The following HS6ST3 variants were observed in gnomAD, a reference collection of about 807,000 sequenced individuals.
HS6ST3 encodes the protein heparan sulfate 6-O-sulfotransferase 3, also known as heparan-sulfate 6-O-sulfotransferase 3.
In HS6ST3, 12 loss-of-function variants were observed where a neutral mutation model predicts 36.7. The observed-to-expected ratio is 0.33, with a 90% CI of 0.21 to 0.53. HS6ST3 has a LOEUF of 0.53. Ranked by LOEUF, HS6ST3 falls within the 20% of genes least tolerant of loss-of-function variation. The pLI, the probability that HS6ST3 is intolerant of heterozygous loss-of-function variation, is 0.95. For missense variants in HS6ST3, 584 were observed against 640.9 expected (o/e 0.91, Z 0.96); for synonymous variants, 240 against 257.5 (o/e 0.93, Z 0.65).
At chr13:96,140,994 G>A (rs1401112974) in intron 1 of HS6ST3, among the ~76,000 whole-genome samples, 4 of 152,134 alleles carry the variant, frequency 2.6e-5, no homozygotes, top group African/African-American at 7.2e-5. Context: ...CAGATTTTCC[G>A]AAGAAAATCA....
chr13:96,376,761 A>G (rs77312971), intron 1 of HS6ST3, among the ~76,000 whole-genome samples: 13 of 152,182 alleles, frequency 8.5e-5, no homozygotes, highest in African/African-American at 2.9e-4. Context: ...TATAGTAAAC[A>G]TTCAGTAAAT....
chr13:96,716,854 C>A (rs1457349069), intron 1 of HS6ST3, among the ~76,000 whole-genome samples: 1 of 152,150 alleles, frequency 6.6e-6, no homozygotes, highest in Non-Finnish European at 1.5e-5. Flanking sequence ...ATAAAGATAG[C>A]AAATTCTCTT....
At chr13:96,468,215 G>A (rs903496759) in intron 1 of HS6ST3, among the ~76,000 whole-genome samples, 102 of 152,232 alleles carry the variant, frequency 6.7e-4, no homozygotes, top group African/African-American at 2.4e-3. Flanking sequence ...TTAAGTTTAA[G>A]AAAATGAGAA....
chr13:96,731,828 T>C (rs1001672800), intron 1 of HS6ST3, among the ~76,000 whole-genome samples: 8 of 151,928 alleles, frequency 5.3e-5, no homozygotes, highest in Admixed American at 5.2e-4. Context: ...GCTAAATGTT[T>C]TTATTTTTTT....
intron 1 of HS6ST3, among the ~76,000 whole-genome samples, chr13:96,281,337 T>C (rs553481964): frequency 6.6e-6 from 1 of 152,190 alleles, no homozygotes; most frequent in Admixed American, 6.5e-5. Flanking sequence ...AGTTGATTGC[T>C]TTGAGCTCTG....
intron 1 of HS6ST3, among the ~76,000 whole-genome samples, chr13:96,615,642 T>A (rs929640603): frequency 2.0e-5 from 3 of 152,210 alleles, no homozygotes; most frequent in Non-Finnish European, 2.9e-5. Context: ...TGAACCTTGA[T>A]GTGAACTCAA....
intron 1 of HS6ST3, among the ~76,000 whole-genome samples, chr13:96,814,256 A>G (rs1878376834): frequency 6.6e-6 from 1 of 152,112 alleles, no homozygotes; most frequent in Admixed American, 6.5e-5. Flanking sequence ...CTCTGATTGT[A>G]TTACTATTTT....
intron 1 of HS6ST3, among the ~76,000 whole-genome samples, chr13:96,585,668 C>A (rs933777942): frequency 1.3e-5 from 2 of 152,150 alleles, no homozygotes; most frequent in Non-Finnish European, 2.9e-5. Flanking sequence ...TCTGTGAGAT[C>A]AACATTTTTG....
intron 1 of HS6ST3, among the ~76,000 whole-genome samples, chr13:96,202,298 C>T (rs2054346519): frequency 6.6e-6 from 1 of 152,170 alleles, no homozygotes; most frequent in Admixed American, 6.5e-5. Context: ...TCAGGTACTC[C>T]TCACATCCAG....
intron 1 of HS6ST3, among the ~76,000 whole-genome samples, 194 bp from the exon 2 acceptor site, chr13:96,832,296 G>C (rs1878817779): frequency 6.6e-6 from 1 of 152,154 alleles, no homozygotes. Flanking sequence ...AACAAACTCA[G>C]TATTGAAAAT....
rs184618225 is a variant in HS6ST3 at position 96,591,748 on chromosome 13, A to C, written c.708-240742A>C. Among the ~76,000 whole-genome samples the C allele has an allele frequency of 1.5e-4, 23 of 152,182 alleles. No homozygotes were observed. The East Asian group carries it at 3.9e-3, about 26-fold the overall frequency. On this transcript the variant is annotated intron_variant, in intron 1 of 1. Coordinates refer to ENST00000376705, the MANE Select transcript of HS6ST3 (RefSeq NM_153456.4). ...CCAATACCATATGTAATAATGGTAG[A>C]AAAGGGGGCGTCCTTGTTGTGTTCC...
intron 1 of HS6ST3, among the ~76,000 whole-genome samples, chr13:96,800,323 GCCA>G (rs1200683578): frequency 1.3e-5 from 2 of 150,076 alleles, no homozygotes; most frequent in Non-Finnish European, 3.0e-5. Flanking sequence ...ACATTGTGCT[GCCA>G]CCAAGTATTT....
At chr13:96,613,662 A>T (rs1347253545) in intron 1 of HS6ST3, among the ~76,000 whole-genome samples, 1 of 152,196 alleles carries the variant, frequency 6.6e-6, no homozygotes, top group Non-Finnish European at 1.5e-5. Context: ...AAGTTTTTTT[A>T]AGTTCTCTGC....
intron 1 of HS6ST3, among the ~76,000 whole-genome samples, chr13:96,658,518 A>G (rs1307754318): frequency 1.3e-5 from 2 of 150,972 alleles, no homozygotes; most frequent in African/African-American, 4.9e-5. Flanking sequence ...CCTGATCTCA[A>G]ATGATCTGCC....
chr13:96,095,542 C>G (rs1001405123), intron 1 of HS6ST3, among the ~76,000 whole-genome samples: 4 of 152,196 alleles, frequency 2.6e-5, no homozygotes, highest in Non-Finnish European at 5.9e-5. Flanking sequence ...CCCAGTCACA[C>G]CACCGGAAGG....
chr13:96,187,430 AG>A (rs2054269771), intron 1 of HS6ST3, among the ~76,000 whole-genome samples: 1 of 152,134 alleles, frequency 6.6e-6, no homozygotes, highest in Non-Finnish European at 1.5e-5. Context: ...TTTACAGATG[AG>A]GATATTGAGA....
chr13:96,660,179 A>G (rs991792947), intron 1 of HS6ST3, among the ~76,000 whole-genome samples: 10 of 152,136 alleles, frequency 6.6e-5, no homozygotes, highest in Non-Finnish European at 1.3e-4. Context: ...TTAATACAGT[A>G]TCAGAAGAAC....
chr13:96,482,814 T>C (rs1313391131), intron 1 of HS6ST3, among the ~76,000 whole-genome samples: 1 of 152,210 alleles, frequency 6.6e-6, no homozygotes, highest in Non-Finnish European at 1.5e-5. Context: ...GCCTAGGAAA[T>C]ATTGTTAAAT....
intron 1 of HS6ST3, among the ~76,000 whole-genome samples, chr13:96,635,132 C>T (rs905619979): frequency 6.6e-6 from 1 of 152,134 alleles, no homozygotes; most frequent in Admixed American, 6.5e-5. Context: ...GTTGGGTTCC[C>T]TATTTTCAGT....
Sources: allele counts gnomAD v4.1 joint callset (sites outside exome capture counted in the v4.1 genomes callset), GRCh38; gene constraint gnomAD v4.1.1; transcripts MANE v1.5; gene names NCBI Gene and HGNC (gene_info 2026-07-23, HGNC 2026-07-21).